TRIP4: variants seen among roughly 807,000 people sequenced by gnomAD.
The protein encoded by TRIP4 is thyroid hormone receptor interactor 4.
TRIP4 carries 54 observed loss-of-function variants against 81.8 expected under a neutral mutation model. The ratio of observed to expected loss-of-function variants is 0.66; its 90% CI spans 0.53 to 0.83. The LOEUF is 0.83. Among genes scored for constraint, TRIP4 ranks in the 40% least tolerant of loss-of-function variants. TRIP4 has a pLI of 0.00. For synonymous variants in TRIP4, 270 were observed against 242.8 expected (o/e 1.11, Z -1.04); for missense variants, 662 against 683.6 (o/e 0.97, Z 0.35).
In TRIP4 at chr15:64,424,080, G is replaced by A. The variant is rs1435579753; in HGVS notation, c.1408G>A (p.Ala470Thr). The A allele has an allele frequency of 6.2e-7, 1 of 1,614,126 alleles. No individual in the cohort carries two copies. Among genetic ancestry groups the A allele is most frequent in the Admixed American group, 1.7e-5 (1 of 60,012 alleles). ...CCCCCACAGAGGACGACTTTGGATAGCAGCCACAGCTAAAAAACCCTCCCC... is the reference window on the plus strand; with the variant it reads ...CCCCCACAGAGGACGACTTTGGATAACAGCCACAGCTAAAAAACCCTCCCC... ...YTPHRGRLWIAATAKKPSPQE... is the reference protein window; with the variant it reads ...YTPHRGRLWITATAKKPSPQE... The change falls in exon 10 of 13, where the codon GCA becomes ACA. Residue 470 changes from alanine to threonine, a missense_variant. Coordinates refer to ENST00000261884, the MANE Select transcript of TRIP4 (RefSeq NM_016213.5).
At chr15:64,441,480 A>G (rs1261947040) in intron 11 of TRIP4, among the ~76,000 whole-genome samples, 1 of 151,826 alleles carries the variant, frequency 6.6e-6, no homozygotes, top group African/African-American at 2.4e-5. Context: ...ATGGTAAAAT[A>G]AGGCTGGAGA....
intron 12 of TRIP4, among the ~76,000 whole-genome samples, chr15:64,450,292 G>A (rs1892725982): frequency 6.6e-6 from 1 of 151,864 alleles, no homozygotes; most frequent in African/African-American, 2.4e-5. Flanking sequence ...GGGAGGCTGA[G>A]GCAGGAGAAT....
At position 64,455,020 on chromosome 15, in the gene TRIP4, C is replaced by G; in HGVS notation, c.1702C>G (p.Gln568Glu). 1 of 1,613,982 alleles carries G rather than the reference C, an allele frequency of 6.2e-7. No homozygotes were observed. Among genetic ancestry groups the G allele is most frequent in the Non-Finnish European group, 8.5e-7 (1 of 1,179,946 alleles). ...KIWKLDSKIHQGAKKGLMKQN... is the reference protein window; with the variant it reads ...KIWKLDSKIHEGAKKGLMKQN... ...AGGGAAATTGGATTCCAAGATCCAT[C>G]AAGGAGCAAAGAAGGGGTTAATGAA... The change falls in exon 13 of 13, where the codon CAA becomes GAA. Residue 568 changes from glutamine to glutamate, a missense_variant. Physicochemically the swap from Gln to Glu is conservative, Grantham distance 29. Coordinates refer to ENST00000261884, the MANE Select transcript of TRIP4 (RefSeq NM_016213.5).
chr15:64,405,736 T>C (rs930973580), intron 5 of TRIP4, among the ~76,000 whole-genome samples: 2 of 152,188 alleles, frequency 1.3e-5, no homozygotes, highest in African/African-American at 4.8e-5. Context: ...GGATCATGTC[T>C]GGAATCCCAG....
chr15:64,436,608 A>C (rs1377611315), intron 11 of TRIP4, among the ~76,000 whole-genome samples: 3 of 150,940 alleles, frequency 2.0e-5, no homozygotes, highest in Non-Finnish European at 4.4e-5. Flanking sequence ...AAAATCTCAG[A>C]TGTTACTCTC....
chr15:64,405,194 G>C (rs1467457120), intron 5 of TRIP4, among the ~76,000 whole-genome samples: 4 of 146,364 alleles, frequency 2.7e-5, no homozygotes, highest in African/African-American at 1.0e-4. Flanking sequence ...TTGCTCTGTC[G>C]CCCAAGCTGG....
chr15:64,409,842 A>C lies in TRIP4; in HGVS notation c.1043+14A>C. Reference sequence around the variant, plus strand: ...GTATCATAGCAGGTAAGTGAGCAGCACTAGAAAGGGTCTCAAAGAAGGAAC... The same window carrying C: ...GTATCATAGCAGGTAAGTGAGCAGCCCTAGAAAGGGTCTCAAAGAAGGAAC... On this transcript the variant is annotated intron_variant, in intron 7 of 12. Transcript: ENST00000261884. 1.2e-6 allele frequency: 2 copies of C among 1,608,812 alleles called. No individual in the cohort carries two copies. The highest frequency in any genetic ancestry group is 1.7e-6 in the Non-Finnish European group (2 of 1,175,638).
rs956168729 is a variant in TRIP4 at position 64,409,455 on chromosome 15, T to G, written c.828-158T>G. 2.0e-5 allele frequency among the ~76,000 whole-genome samples: 3 copies of G among 152,072 alleles called. No individual in the cohort carries two copies. In the East Asian group the frequency reaches 5.8e-4, roughly 29 times the overall value. On this transcript the variant is annotated intron_variant, in intron 6 of 12. Coordinates refer to ENST00000261884, the MANE Select transcript of TRIP4 (RefSeq NM_016213.5). ...TTTCTTGCCTGAGGTTGAGATAAGT[T>G]CTAGGAGCTGAGCCTACACTGGAGA...
intron 11 of TRIP4, among the ~76,000 whole-genome samples, chr15:64,440,476 G>T: frequency 6.8e-6 from 1 of 147,032 alleles, no homozygotes. Context: ...TTTTTTTGGA[G>T]GTACTGAGGC....
intron 7 of TRIP4, among the ~76,000 whole-genome samples, chr15:64,411,445 C>T (rs1476890795): frequency 1.3e-5 from 2 of 151,970 alleles, no homozygotes; most frequent in African/African-American, 4.8e-5. Flanking sequence ...ATATTCCTCT[C>T]AATTTTGCTC....
intron 4 of TRIP4, among the ~76,000 whole-genome samples, chr15:64,399,117 T>C (rs1306116578): frequency 1.3e-5 from 2 of 150,458 alleles, no homozygotes; most frequent in Non-Finnish European, 3.0e-5. Context: ...GCCCAGCTAA[T>C]TTTTTGTATT....
chr15:64,434,284 A>C (rs1596356965), intron 11 of TRIP4, among the ~76,000 whole-genome samples: 1 of 152,182 alleles, frequency 6.6e-6, no homozygotes, highest in East Asian at 1.9e-4. Context: ...CTGTAATCCC[A>C]GCTACTCAGG....
At chr15:64,423,539 T>C (rs868129660) in intron 9 of TRIP4, among the ~76,000 whole-genome samples, 3 of 151,288 alleles carry the variant, frequency 2.0e-5, no homozygotes, top group African/African-American at 7.3e-5. Flanking sequence ...TTTTATTTAC[T>C]TAAATTATTT....
At chr15:64,424,883 C>T (rs936428513) in intron 10 of TRIP4, among the ~76,000 whole-genome samples, 5 of 152,140 alleles carry the variant, frequency 3.3e-5, no homozygotes, top group African/African-American at 1.2e-4. Flanking sequence ...TCAAGTGATT[C>T]TCCTGCCTCA....
At chr15:64,389,118 A>G (rs769949318) in intron 1 of TRIP4, among the ~76,000 whole-genome samples, 2 of 152,208 alleles carry the variant, frequency 1.3e-5, no homozygotes. Flanking sequence ...GAACTAAGGA[A>G]TAGACAGAGG....
intron 11 of TRIP4, among the ~76,000 whole-genome samples, chr15:64,431,847 A>ATATTTTTT: frequency 0.014 from 1,693 of 119,506 alleles, 30 homozygotes; most frequent in Non-Finnish European, 0.021. Context: ...ATATATATAT[A>ATATTTTTT]TTTTTTTTAT....
rs60341744 is a variant in TRIP4, at chr15:64,396,266, C to CT, written c.405+763dup. On this transcript the variant is annotated intron_variant, in intron 3 of 12. Transcript: ENST00000261884. ...TAGTGTGTACTCTTGTATCTAGCTG[C>CT]TTTTTTTTTTTTTTTTTTTTTTTTT... 3.6e-3 allele frequency among the ~76,000 whole-genome samples: 234 copies of CT among 64,722 alleles called. 49 individuals are homozygous for CT. Among genetic ancestry groups the CT allele is most frequent in the African/African-American group, 0.012 (215 of 17,588 alleles). The allele number at this position is 64,722 out of a possible 152,430, so 42.5% of individuals were successfully genotyped here.
At chr15:64,431,672 C>T (rs530846160) in intron 11 of TRIP4, among the ~76,000 whole-genome samples, 77 of 151,136 alleles carry the variant, frequency 5.1e-4, no homozygotes, top group African/African-American at 1.7e-3. Context: ...CACCACTGCA[C>T]TCCAGCCTGG....
chr15:64,401,277 G>A (rs1024071914), intron 5 of TRIP4, among the ~76,000 whole-genome samples: 8 of 152,056 alleles, frequency 5.3e-5, no homozygotes, highest in Non-Finnish European at 1.2e-4. Context: ...TGGGACTACA[G>A]GCACATGCCA....
Sources: gnomAD v4.1 joint callset for allele counts (sites outside exome capture counted in the v4.1 genomes callset) on GRCh38, gnomAD v4.1.1 for gene constraint, MANE v1.5 for transcripts, NCBI Gene and HGNC (gene_info 2026-07-23, HGNC 2026-07-21) for gene names.